Variants in BCL11A observed in about 807,000 individuals in gnomAD.
The protein encoded by BCL11A is BCL11 transcription factor A.
A neutral mutation model predicts 55.9 loss-of-function variants in BCL11A; 2 were observed. The ratio of observed to expected loss-of-function variants is 0.04; its 90% CI spans 0.01 to 0.11. The LOEUF is 0.11. Among genes scored for constraint, BCL11A ranks in the 10% least tolerant of loss-of-function variants. The pLI, the probability that BCL11A is intolerant of heterozygous loss-of-function variation, is 1.00. For missense variants in BCL11A, 817 were observed against 1,137.1 expected (o/e 0.72, Z 4.05); for synonymous variants, 465 against 473.4 (o/e 0.98, Z 0.23).
chr2:60,551,083 C>T (rs1670395814), intron 1 of BCL11A, among the ~76,000 whole-genome samples: 1 of 152,170 alleles, frequency 6.6e-6, no homozygotes, highest in African/African-American at 2.4e-5. Flanking sequence ...CACCCCCCAC[C>T]ACCACCCCTT....
chr2:60,465,269 A>G (rs1164971059), intron 3 of BCL11A, among the ~76,000 whole-genome samples: 1 of 152,222 alleles, frequency 6.6e-6, no homozygotes, highest in Admixed American at 6.5e-5. Context: ...AAAGACTGGA[A>G]TTGATTTCCT....
At chr2:60,537,255 A>T (rs1472932339) in intron 2 of BCL11A, 1 of 152,222 alleles carries the variant, frequency 6.6e-6, no homozygotes, top group Non-Finnish European at 1.5e-5. Context: ...ATTCTTCAGT[A>T]GCCAATGTTC....
intron 2 of BCL11A, among the ~76,000 whole-genome samples, chr2:60,514,092 T>C (rs961948694): frequency 5.9e-5 from 9 of 152,232 alleles, no homozygotes; most frequent in African/African-American, 2.2e-4. Context: ...AGCCATCTCC[T>C]TGTGGACTTT....
intron 2 of BCL11A, among the ~76,000 whole-genome samples, chr2:60,495,135 C>T (rs751106304): frequency 2.6e-5 from 4 of 152,220 alleles, no homozygotes; most frequent in Non-Finnish European, 5.9e-5. Context: ...ATCCAATTCT[C>T]CATCACCAAG....
intron 2 of BCL11A, among the ~76,000 whole-genome samples, chr2:60,484,697 AAAG>A (rs2104230260): frequency 6.6e-6 from 1 of 152,208 alleles, no homozygotes; most frequent in East Asian, 1.9e-4. Context: ...GGGGGCAAAA[AAAG>A]AAGGAGAAAG....
intron 2 of BCL11A, among the ~76,000 whole-genome samples, chr2:60,519,102 G>A (rs1309953748): frequency 6.6e-6 from 1 of 152,140 alleles, no homozygotes; most frequent in African/African-American, 2.4e-5. Context: ...GTCTCTGGTA[G>A]GTACTACCAA....
At chr2:60,544,521 C>G (rs1670065634) in intron 2 of BCL11A, 1 of 152,188 alleles carries the variant, frequency 6.6e-6, no homozygotes, top group Admixed American at 6.5e-5. Flanking sequence ...GGGAAAGTAT[C>G]TGAGTGCTAT....
downstream of BCL11A, chr2:60,452,213 AGAATGTAT>A: frequency 4.1e-6 from 1 of 241,616 alleles, no homozygotes; most frequent in East Asian, 6.0e-5. Flanking sequence ...AAGACAACAT[AGAATGTAT>A]AGAAACAAGG....
intron 2 of BCL11A, among the ~76,000 whole-genome samples, chr2:60,486,972 A>C (rs1223244240): frequency 1.3e-5 from 2 of 152,242 alleles, no homozygotes; most frequent in Non-Finnish European, 2.9e-5. Flanking sequence ...ATTCTATCAG[A>C]ATAAAAAAGA....
chr2:60,494,674 T>C (rs1380093645), intron 2 of BCL11A, among the ~76,000 whole-genome samples: 1 of 152,142 alleles, frequency 6.6e-6, no homozygotes, highest in East Asian at 1.9e-4. Flanking sequence ...ATCCGTAAAA[T>C]AGGAATAATA....
chr2:60,521,468 C>T (rs954798804), intron 2 of BCL11A, among the ~76,000 whole-genome samples: 6 of 152,214 alleles, frequency 3.9e-5, no homozygotes, highest in Non-Finnish European at 4.4e-5. Context: ...TCCCCTGTGA[C>T]GGGCTGCACG....
At chr2:60,486,603 A>C (rs565687878) in intron 2 of BCL11A, among the ~76,000 whole-genome samples, 7 of 152,350 alleles carry the variant, frequency 4.6e-5, no homozygotes, top group Admixed American at 1.3e-4. Context: ...TCTGGCTTTG[A>C]GATGAATAAT....
At chr2:60,495,178 C>T (rs534399144) in intron 2 of BCL11A, among the ~76,000 whole-genome samples, 3 of 152,338 alleles carry the variant, frequency 2.0e-5, no homozygotes, top group South Asian at 2.1e-4. Context: ...CCTGGGCAAA[C>T]GGCCACCGAT....
intron 3 of BCL11A, among the ~76,000 whole-genome samples, chr2:60,464,848 T>C (rs1481622989): frequency 1.3e-5 from 2 of 152,224 alleles, no homozygotes; most frequent in Non-Finnish European, 2.9e-5. Flanking sequence ...TGTGATGTTA[T>C]CCTCCCCTCT....
At chr2:60,552,507 G>A (rs574608589) in intron 1 of BCL11A, among the ~76,000 whole-genome samples, 2 of 152,238 alleles carry the variant, frequency 1.3e-5, no homozygotes, top group East Asian at 1.9e-4. Context: ...CCTCTGGCCG[G>A]AACAAAAGGC....
intron 2 of BCL11A, among the ~76,000 whole-genome samples, chr2:60,512,393 G>C (rs1680034670): frequency 6.6e-6 from 1 of 152,200 alleles, no homozygotes; most frequent in African/African-American, 2.4e-5. Flanking sequence ...TTTCCTGGCT[G>C]CACATCTTGC....
intron 1 of BCL11A, chr2:60,549,743 G>T (rs959372103): frequency 6.6e-6 from 1 of 152,370 alleles, no homozygotes; most frequent in Non-Finnish European, 1.5e-5. Flanking sequence ...GGTGAAAAAG[G>T]AAGTGAGGTT....
intron 2 of BCL11A, among the ~76,000 whole-genome samples, chr2:60,523,870 A>G (rs1558477150): frequency 6.6e-6 from 1 of 152,268 alleles, no homozygotes; most frequent in African/African-American, 2.4e-5. Flanking sequence ...ACCAAGGTTT[A>G]AGCAGTAAAC....
chr2:60,521,731 G>A (rs892750601), intron 2 of BCL11A, among the ~76,000 whole-genome samples: 5 of 152,058 alleles, frequency 3.3e-5, no homozygotes, highest in African/African-American at 1.2e-4. Flanking sequence ...GGCTCAAATG[G>A]CCAAAGAAAG....
Sources: gnomAD v4.1 joint callset for allele counts (sites outside exome capture counted in the v4.1 genomes callset) on GRCh38, gnomAD v4.1.1 for gene constraint, MANE v1.5 for transcripts, NCBI Gene and HGNC (gene_info 2026-07-23, HGNC 2026-07-21) for gene names.